Variants in PDE10A observed in about 807,000 individuals in gnomAD.
The protein encoded by PDE10A is phosphodiesterase 10A.
Under a neutral mutation model 97.7 loss-of-function variants are expected in PDE10A, and 39 were observed. The ratio of observed to expected loss-of-function variants is 0.40; its 90% confidence interval spans 0.31 to 0.52. The LOEUF is 0.52. Among genes scored for constraint, PDE10A ranks in the 20% least tolerant of loss-of-function variants. The pLI is 0.56. For synonymous variants in PDE10A, 371 were observed against 376.8 expected (o/e 0.98, Z 0.18); for missense variants, 731 against 1,047.8 (o/e 0.70, Z 4.17).
intron 1 of PDE10A, among the ~76,000 whole-genome samples, chr6:165,715,638 G>A (rs527470415): frequency 1.1e-4 from 16 of 152,258 alleles, no homozygotes; most frequent in Admixed American, 2.6e-4. Context: ...ACACACGTGC[G>A]CACACACACA....
chr6:165,377,671 T>C (rs1158302516), intron 18 of PDE10A, among the ~76,000 whole-genome samples: 1 of 152,152 alleles, frequency 6.6e-6, no homozygotes, highest in Non-Finnish European at 1.5e-5. Flanking sequence ...AGAAAGTGTA[T>C]GGGTTTCAGG....
intron 1 of PDE10A, among the ~76,000 whole-genome samples, chr6:165,937,645 A>G (rs1430164994): frequency 1.3e-5 from 2 of 152,220 alleles, no homozygotes; most frequent in Non-Finnish European, 2.9e-5. Flanking sequence ...TGTTGAATGA[A>G]TGAAGAGTAA....
chr6:165,797,273 GTAGGTA>G (rs1778856168), intron 1 of PDE10A, among the ~76,000 whole-genome samples: 1 of 152,176 alleles, frequency 6.6e-6, no homozygotes, highest in African/African-American at 2.4e-5. Flanking sequence ...TCTCTATTGT[GTAGGTA>G]TAGTTTTGTC....
At chr6:165,476,534 T>C (rs1175468039) in intron 3 of PDE10A, among the ~76,000 whole-genome samples, 1 of 152,208 alleles carries the variant, frequency 6.6e-6, no homozygotes, top group Admixed American at 6.5e-5. Context: ...TGGGTATTTC[T>C]AGTGACCTTG....
At position 165,920,452 on chromosome 6, in the gene PDE10A, C is replaced by G. The variant is rs78525974; in HGVS notation, c.-615+67077G>C. The stretch of plus-strand genomic sequence containing the variant: ...AGAAATAGGTTGTAGTAAAATGATC[C>G]AGTTATCTTTAAGAATGAGACCATT... On this transcript the variant is annotated intron_variant, in intron 1 of 19. Coordinates refer to the PDE10A transcript ENST00000366882. Among the ~76,000 whole-genome samples, 283 of 152,022 alleles carry G rather than the reference C, an allele frequency of 1.9e-3. 6 individuals carry two copies. The East Asian group carries it at 0.045, about 24-fold the overall frequency.
chr6:165,434,159 G>C (rs986533767), intron 6 of PDE10A, among the ~76,000 whole-genome samples: 6 of 150,978 alleles, frequency 4.0e-5, no homozygotes, highest in African/African-American at 1.5e-4. Context: ...GTGTAACTCT[G>C]TACTTGTAAT....
intron 1 of PDE10A, among the ~76,000 whole-genome samples, chr6:165,813,672 C>T (rs978733307): frequency 5.3e-5 from 8 of 152,098 alleles, no homozygotes; most frequent in Non-Finnish European, 1.2e-4. Flanking sequence ...AGCAAATAAA[C>T]TCCATTAAAT....
At position 165,946,498 on chromosome 6, in the gene PDE10A, T is replaced by TAAAA. The variant is rs57063900; in HGVS notation, c.-615+41027_-615+41030dup. On this transcript the variant is annotated intron_variant, in intron 1 of 19. Coordinates refer to the PDE10A transcript ENST00000366882. ...GACAGAGCAAGACTCTATCTCAAAA[T>TAAAA]AAAAAAAAAAAAAAAGAAAAAGAAA... 2.3e-5 allele frequency among the ~76,000 whole-genome samples: 3 copies of TAAAA among 128,534 alleles called. No homozygotes were observed. In the South Asian group the frequency reaches 7.4e-4, roughly 32 times the overall value. The allele number at this position is 128,534 out of a possible 152,430, so 84.3% of individuals were successfully genotyped here.
rs1350692878 is a variant in PDE10A at position 165,428,654 on chromosome 6, C to T, written c.1653+4G>A. 22 of 1,285,388 alleles carry T rather than the reference C, an allele frequency of 1.7e-5. No homozygotes were observed. The highest frequency in any genetic ancestry group is 2.5e-5 in the Non-Finnish European group (22 of 894,230). 79.6% of individuals were successfully genotyped at this position (1,285,388 alleles called of 1,614,324 possible). ...GAATCATACTCAGAACAAAAACAAC[C>T]TACCATTATGTGTTCAAGTAGAGAA... is the stretch of plus-strand genomic sequence containing the variant. On this transcript the variant is annotated splice_donor_region_variant and intron_variant, in intron 10 of 21. Coordinates refer to ENST00000539869, the MANE Select transcript of PDE10A (RefSeq NM_001385079.1).
intron 1 of PDE10A, among the ~76,000 whole-genome samples, chr6:165,742,278 GC>G (rs1367137009): frequency 4.6e-5 from 7 of 152,118 alleles, no homozygotes; most frequent in Non-Finnish European, 7.4e-5. Flanking sequence ...CCCCCTTGCA[GC>G]CCTAACGCAA....
intron 1 of PDE10A, among the ~76,000 whole-genome samples, chr6:165,825,555 C>T (rs539603393): frequency 1.7e-4 from 26 of 152,308 alleles, no homozygotes; most frequent in Admixed American, 1.5e-3. Context: ...CTACAAAAGG[C>T]TCCTGCTGGG....
intron 1 of PDE10A, among the ~76,000 whole-genome samples, chr6:165,721,212 T>G (rs1792160536): frequency 6.6e-6 from 1 of 152,224 alleles, no homozygotes; most frequent in Admixed American, 6.5e-5. Flanking sequence ...CAGGGTTTTC[T>G]TGACCTGGCT....
intron 1 of PDE10A, among the ~76,000 whole-genome samples, chr6:165,589,367 G>A (rs986215213): frequency 4.6e-5 from 7 of 152,020 alleles, no homozygotes; most frequent in African/African-American, 1.7e-4. Flanking sequence ...CCCAATTTTA[G>A]TTGTTCTCTT....
chr6:165,450,369 A>G lies in PDE10A; in HGVS notation c.1024-7T>C, dbSNP rs2128249632. 1.3e-6 allele frequency: 2 copies of G among 1,495,132 alleles called. No individual in the cohort carries two copies. Among genetic ancestry groups the G allele is most frequent in the African/African-American group, 1.4e-5 (1 of 71,764 alleles). 92.6% of individuals were successfully genotyped at this position (1,495,132 alleles called of 1,614,324 possible). A position where few individuals can be genotyped will look rare whatever the true frequency, so the allele number is the denominator to read the frequency against. On this transcript the variant is annotated splice_polypyrimidine_tract_variant and splice_region_variant and intron_variant, in intron 3 of 21. Transcript: ENST00000539869. ...GCATATTCGTATCTTGGTACTTTGGATTAAAAATAACAAAAATAAAAACAG... is the reference window on the plus strand; with the variant it reads ...GCATATTCGTATCTTGGTACTTTGGGTTAAAAATAACAAAAATAAAAACAG...
intron 1 of PDE10A, among the ~76,000 whole-genome samples, chr6:165,591,447 T>C (rs1786264207): frequency 1.3e-5 from 2 of 152,258 alleles, no homozygotes; most frequent in South Asian, 4.1e-4. Context: ...TACTCTGCTC[T>C]ACTATTGTAA....
chr6:165,786,515 A>G (rs1414237152), intron 1 of PDE10A, among the ~76,000 whole-genome samples: 1 of 152,248 alleles, frequency 6.6e-6, no homozygotes, highest in Non-Finnish European at 1.5e-5. Context: ...CTTCACAGAA[A>G]GAAGACTTAT....
chr6:165,944,746 A>G lies in PDE10A; in HGVS notation c.-615+42783T>C, dbSNP rs138608009. On this transcript the variant is annotated intron_variant, in intron 1 of 19. Coordinates refer to the PDE10A transcript ENST00000366882. The stretch of plus-strand genomic sequence containing the variant: ...CTCACGTTCACATATTCTTGCTTCA[A>G]AGAGCTGGTTGGATTCCCAACTCTG... Among the ~76,000 whole-genome samples, 200 of 152,318 alleles carry G rather than the reference A, an allele frequency of 1.3e-3. 1 individual carries two copies. The highest frequency in any genetic ancestry group is 4.7e-3 in the African/African-American group (194 of 41,552).
chr6:165,659,183 A>C (rs984965214), intron 1 of PDE10A, among the ~76,000 whole-genome samples: 1 of 152,188 alleles, frequency 6.6e-6, no homozygotes, highest in Non-Finnish European at 1.5e-5. Context: ...TTTCGATGGT[A>C]ATAAAAATAA....
intron 13 of PDE10A, among the ~76,000 whole-genome samples, chr6:165,400,559 A>G (rs1263731070): frequency 1.3e-5 from 2 of 152,228 alleles, no homozygotes; most frequent in Non-Finnish European, 2.9e-5. Context: ...TTCACCAAAG[A>G]TGGTGTACAG....
Sources: gnomAD v4.1 joint callset for allele counts (sites outside exome capture counted in the v4.1 genomes callset) on GRCh38, gnomAD v4.1.1 for gene constraint, MANE v1.5 for transcripts, NCBI Gene and HGNC (gene_info 2026-07-23, HGNC 2026-07-21) for gene names.